KCNQ4: variants seen among roughly 807,000 people sequenced by gnomAD.
KCNQ4 encodes potassium voltage-gated channel subfamily KQT member 4.
KCNQ4 carries 31 observed loss-of-function variants against 72.6 expected under a neutral mutation model. The ratio of observed to expected loss-of-function variants is 0.43; its 90% CI spans 0.32 to 0.58. KCNQ4 has a LOEUF of 0.58. Ranked by LOEUF, KCNQ4 falls within the 20% of genes least tolerant of loss-of-function variation. KCNQ4 has a pLI of 0.08. For missense variants in KCNQ4, 869 were observed against 962.6 expected (o/e 0.90, Z 1.29); for synonymous variants, 405 against 403.7 (o/e 1.00, Z -0.04).
intron 11 of KCNQ4, among the ~76,000 whole-genome samples, chr1:40,834,297 T>C (rs1023706614): frequency 6.6e-6 from 1 of 152,178 alleles, no homozygotes; most frequent in African/African-American, 2.4e-5. Flanking sequence ...GGAGTCATCC[T>C]GGACTCAGAC....
intron 10 of KCNQ4, 147 bp downstream of exon 10, chr1:40,831,451 A>G (rs995977115): frequency 7.0e-5 from 47 of 673,200 alleles, no homozygotes; most frequent in Middle Eastern, 3.2e-4. Context: ...CTCATCTGTA[A>G]AATGGGCATT....
intron 8 of KCNQ4, among the ~76,000 whole-genome samples, chr1:40,823,364 G>A (rs958445296): frequency 1.3e-5 from 2 of 152,130 alleles, no homozygotes; most frequent in Non-Finnish European, 2.9e-5. Context: ...TTTGTTCAAG[G>A]CTGGGCATTC....
chr1:40,820,592 C>T (rs897143461), intron 7 of KCNQ4, among the ~76,000 whole-genome samples: 1 of 152,246 alleles, frequency 6.6e-6, no homozygotes, highest in African/African-American at 2.4e-5. Context: ...CCACTGCTGC[C>T]CCCATCAGCT....
intron 1 of KCNQ4, among the ~76,000 whole-genome samples, chr1:40,815,888 C>T (rs932088291): frequency 6.6e-6 from 1 of 152,150 alleles, no homozygotes; most frequent in Non-Finnish European, 1.5e-5. Context: ...ACTCAGGTCT[C>T]TCTGACCCCG....
chr1:40,835,908 C>T (rs904249473), intron 12 of KCNQ4, among the ~76,000 whole-genome samples: 1 of 151,828 alleles, frequency 6.6e-6, no homozygotes, highest in Admixed American at 6.6e-5. Context: ...TGTGGCTGCA[C>T]TGGAGTGAGA....
At chr1:40,804,509 G>A (rs943423480) in intron 1 of KCNQ4, among the ~76,000 whole-genome samples, 5 of 152,102 alleles carry the variant, frequency 3.3e-5, no homozygotes, top group Non-Finnish European at 7.4e-5. Flanking sequence ...TGCCACTTCC[G>A]CTTCCCCTCA....
intron 1 of KCNQ4, among the ~76,000 whole-genome samples, chr1:40,805,766 A>AG (rs1429970030): frequency 6.6e-6 from 1 of 152,198 alleles, no homozygotes; most frequent in Non-Finnish European, 1.5e-5. Context: ...AATCATGCTA[A>AG]GGGGTTTGGG....
At chr1:40,828,709 C>T (rs145953457) in intron 9 of KCNQ4, among the ~76,000 whole-genome samples, 1 of 152,322 alleles carries the variant, frequency 6.6e-6, no homozygotes, top group Non-Finnish European at 1.5e-5. Flanking sequence ...GGACCCTGCA[C>T]GTTCTGGGAG....
chr1:40,803,133 C>T (rs995355464), intron 1 of KCNQ4, among the ~76,000 whole-genome samples: 1 of 152,114 alleles, frequency 6.6e-6, no homozygotes. Flanking sequence ...CTAAACTTTC[C>T]ATGTAAATGA....
chr1:40,795,351 T>C (rs1484958639), intron 1 of KCNQ4, among the ~76,000 whole-genome samples: 1 of 146,774 alleles, frequency 6.8e-6, no homozygotes, highest in Non-Finnish European at 1.5e-5. Context: ...AGCCTTGAAC[T>C]CCTGGGCTCA....
In KCNQ4 at chr1:40,794,795, G is replaced by A. The variant is rs1329301677; in HGVS notation, c.314+10388G>A. 6.6e-6 allele frequency among the ~76,000 whole-genome samples: 1 copy of A among 152,120 alleles called. No individual in the cohort carries two copies. The highest frequency in any genetic ancestry group is 6.5e-5 in the Admixed American group (1 of 15,274). ...CCAAAGTGTTTTTGGAAATTTTACCGGTGGTGCGTGAAATCCCTGAGTCTG... is the reference window on the plus strand; with the variant it reads ...CCAAAGTGTTTTTGGAAATTTTACCAGTGGTGCGTGAAATCCCTGAGTCTG... On this transcript the variant is annotated intron_variant, in intron 1 of 13. Transcript: ENST00000347132. This position sits in a 1 kb window ranked among gnomAD's most constrained non-coding sequence, Gnocchi z 4.2.
At chr1:40,802,577 C>G (rs938474035) in intron 1 of KCNQ4, among the ~76,000 whole-genome samples, 1 of 152,066 alleles carries the variant, frequency 6.6e-6, no homozygotes, top group Admixed American at 6.5e-5. Flanking sequence ...CTCGCCGAGG[C>G]GGGCTGGGGG....
At chr1:40,789,222 G>A (rs1647236103) in intron 1 of KCNQ4, among the ~76,000 whole-genome samples, 1 of 152,150 alleles carries the variant, frequency 6.6e-6, no homozygotes, top group Admixed American at 6.5e-5. Context: ...GGGGTCCTTT[G>A]ATCTGACCTT....
intron 12 of KCNQ4, among the ~76,000 whole-genome samples, chr1:40,837,392 C>G (rs1055703927): frequency 5.9e-5 from 9 of 152,244 alleles, no homozygotes; most frequent in Non-Finnish European, 2.9e-5. Flanking sequence ...TGCGCTGGGC[C>G]TCCTAGTCCA....
Position 40,839,982 on chromosome 1 carries a change from A to T in KCNQ4, c.*1459A>T, listed in dbSNP as rs1255490707. Reference sequence around the variant, plus strand: ...ACTCCAGGAACACTTTCTTATCCCCACCCCTTTGCTCCTCTTCTGCAAAGC... The same window carrying T: ...ACTCCAGGAACACTTTCTTATCCCCTCCCCTTTGCTCCTCTTCTGCAAAGC... On this transcript the variant is annotated 3_prime_UTR_variant, in exon 14 of 14. Coordinates refer to ENST00000347132, the MANE Select transcript of KCNQ4 (RefSeq NM_004700.4). The T allele has an allele frequency of 1.3e-5, 2 of 151,924 alleles. No homozygotes were observed. The highest frequency in any genetic ancestry group is 2.9e-5 in the Non-Finnish European group (2 of 68,004). 9.4% of individuals were successfully genotyped at this position (151,924 alleles called of 1,614,324 possible).
rs1558014631 is a variant in KCNQ4, at chr1:40,819,450, C to T, written c.812C>T (p.Ala271Val). Residue 271 changes from alanine to valine, a missense_variant, in exon 5 of 14, where the codon GCC becomes GTC. Physicochemically the swap from Ala to Val is moderately conservative, Grantham distance 64. Coordinates refer to ENST00000347132, the MANE Select transcript of KCNQ4 (RefSeq NM_004700.4). ...GCCAACTCCGACTTCTCCTCCTACG[C>T]CGACTCGCTCTGGTGGGGGACGGTG... The part of the protein sequence containing the change: ...KDANSDFSSY[A>V]DSLWWGTITL... 1.2e-6 allele frequency: 2 copies of T among 1,613,920 alleles called. No homozygotes were observed. Among genetic ancestry groups the T allele is most frequent in the Non-Finnish European group, 1.7e-6 (2 of 1,179,940 alleles).
intron 4 of KCNQ4, 88 bp downstream of exon 4, chr1:40,818,768 G>T: frequency 7.1e-7 from 1 of 1,415,354 alleles, no homozygotes; most frequent in Non-Finnish European, 9.7e-7. Context: ...AGGTCAGAGG[G>T]GCTGTCTCCG....
intron 12 of KCNQ4, among the ~76,000 whole-genome samples, chr1:40,837,091 C>CT (rs370300997): frequency 0.023 from 2,136 of 93,046 alleles, 26 homozygotes; most frequent in South Asian, 0.054. Context: ...CTTTTCTTTT[C>CT]TTTTTTTTTT....
At chr1:40,829,996 A>G (rs1648589443) in intron 9 of KCNQ4, among the ~76,000 whole-genome samples, 1 of 152,124 alleles carries the variant, frequency 6.6e-6, no homozygotes, top group South Asian at 2.1e-4. Flanking sequence ...TTTTCCTCCA[A>G]CGTTTGGGGA....
Sources: allele counts gnomAD v4.1 joint callset (sites outside exome capture counted in the v4.1 genomes callset), GRCh38; gene constraint gnomAD v4.1.1; non-coding constraint Gnocchi (gnomAD v3.1); transcripts MANE v1.5; gene names NCBI Gene and HGNC (gene_info 2026-07-23, HGNC 2026-07-21).